Variants in SMCO2 observed in about 807,000 individuals in gnomAD.
SMCO2 encodes single-pass membrane protein with coiled-coil domains 2, also known as single-pass membrane and coiled-coil domain-containing protein 2.
A neutral mutation model predicts 29.5 loss-of-function variants in SMCO2; 25 were observed. That is an observed-to-expected ratio of 0.85 (90% CI 0.62 to 1.18). The LOEUF (loss-of-function observed/expected upper bound fraction) is 1.18. SMCO2 is among the 50% of genes most tolerant of loss of function. SMCO2 has a pLI of 0.00. For synonymous variants in SMCO2, 117 were observed against 123.3 expected, an observed-to-expected ratio of 0.95 and a Z score of 0.34; for missense variants, 348 against 344.5, an observed-to-expected ratio of 1.01 and a Z score of -0.08.
chr12:27,500,771 TAATA>T, intron 7 of SMCO2, among the ~76,000 whole-genome samples: 1 of 150,778 alleles, frequency 6.6e-6, no homozygotes, highest in African/African-American at 2.5e-5. Flanking sequence ...ATTGGCTCTT[TAATA>T]AATGTGTGAA....
At chr12:27,425,999 G>A in the SMCO2 span, among the ~76,000 whole-genome samples, 1 of 152,204 alleles carries the variant, frequency 6.6e-6, no homozygotes, top group Non-Finnish European at 1.5e-5. Context: ...CAGGTCAACA[G>A]CCTGGAATAT....
At chr12:27,435,279 A>G in the SMCO2 span, among the ~76,000 whole-genome samples, 1 of 2,210 alleles carries the variant, frequency 4.5e-4, no homozygotes, top group African/African-American at 1.8e-3. Flanking sequence ...AGATGGCAGC[A>G]GAACCCCCCC....
At chr12:27,431,712 G>T in the SMCO2 span, among the ~76,000 whole-genome samples, 1 of 152,160 alleles carries the variant, frequency 6.6e-6, no homozygotes, top group Non-Finnish European at 1.5e-5. Flanking sequence ...AGGAGCATGG[G>T]TGTGCAAATA....
exon 8 of SMCO2, chr12:27,502,067 G>A (rs1441756559): frequency 1.3e-6 from 2 of 1,546,052 alleles, no homozygotes; most frequent in Admixed American, 2.0e-5. Context: ...GGGACCTACG[G>A]GAGATGAGAG....
the SMCO2 span, among the ~76,000 whole-genome samples, chr12:27,429,499 CA>C: frequency 6.6e-6 from 1 of 151,358 alleles, no homozygotes; most frequent in East Asian, 1.9e-4. Context: ...AAATAGTCCC[CA>C]CCTTAGCCCT....
At chr12:27,472,319 CTG>C (rs1462284662) in intron 2 of SMCO2, among the ~76,000 whole-genome samples, 3 of 152,126 alleles carry the variant, frequency 2.0e-5, no homozygotes, top group Non-Finnish European at 2.9e-5. Context: ...CATAGCATCT[CTG>C]TTGAAAATAA....
chr12:27,467,406 CAT>C (rs1026492654), intron 1 of SMCO2, among the ~76,000 whole-genome samples: 1 of 151,096 alleles, frequency 6.6e-6, no homozygotes, highest in African/African-American at 2.4e-5. Flanking sequence ...TCCCAACTTT[CAT>C]ATGTGTATGA....
chr12:27,424,859 G>A, the SMCO2 span: 2 of 152,030 alleles, frequency 1.3e-5, no homozygotes, highest in African/African-American at 2.4e-5. Context: ...TTTTTTCCAA[G>A]CTCCATGGGG....
intron 4 of SMCO2, among the ~76,000 whole-genome samples, chr12:27,477,666 T>G (rs1353691493): frequency 6.9e-6 from 1 of 145,180 alleles, no homozygotes; most frequent in East Asian, 2.1e-4. Flanking sequence ...ATTGGGTTAT[T>G]TCAAAACACT....
At chr12:27,448,607 G>C in the SMCO2 span, among the ~76,000 whole-genome samples, 1 of 151,954 alleles carries the variant, frequency 6.6e-6, no homozygotes, top group African/African-American at 2.4e-5. Context: ...GGGACCCTTG[G>C]GATTAAATTT....
At chr12:27,501,283 G>T (rs958612020) in intron 7 of SMCO2, among the ~76,000 whole-genome samples, 6 of 148,452 alleles carry the variant, frequency 4.0e-5, no homozygotes, top group African/African-American at 1.5e-4. Context: ...GGGCGTGGTG[G>T]TGGGCGCCTG....
At chr12:27,429,451 C>T in the SMCO2 span, among the ~76,000 whole-genome samples, 1 of 146,202 alleles carries the variant, frequency 6.8e-6, no homozygotes, top group Non-Finnish European at 1.5e-5. Context: ...GGTTAAAAGT[C>T]AGATAGCATT....
the SMCO2 span, among the ~76,000 whole-genome samples, chr12:27,434,081 G>A: frequency 6.6e-6 from 1 of 152,186 alleles, no homozygotes; most frequent in Non-Finnish European, 1.5e-5. Context: ...AACATGCTAT[G>A]TGGTTCTGAA....
Position 27,492,049 on chromosome 12 carries a change from C to A in SMCO2, c.451-2251C>A, listed in dbSNP as rs528371235. 3.9e-5 allele frequency among the ~76,000 whole-genome samples: 6 copies of A among 152,232 alleles called. No homozygotes were observed. The South Asian group carries it at 1.2e-3, about 32-fold the overall frequency. On this transcript the variant is annotated intron_variant, in intron 5 of 7. Transcript: ENST00000298876. ...CAATTAAAACATTATGAAATGATTT[C>A]ATATAAAAATGAAAAATATCCTCCT...
chr12:27,472,669 G>GA (rs1245935993), intron 2 of SMCO2, 107 bp from the exon 3 acceptor site: 1 of 725,084 alleles, frequency 1.4e-6, no homozygotes, highest in Non-Finnish European at 2.2e-6. Context: ...ATGCTCCCTG[G>GA]GACTGGGGAA....
chr12:27,459,144 G>T, the SMCO2 span, among the ~76,000 whole-genome samples: 5 of 142,732 alleles, frequency 3.5e-5, no homozygotes, highest in South Asian at 1.1e-3. Flanking sequence ...CCAAGATCGC[G>T]CCACTGCACT....
At chr12:27,430,875 C>T in the SMCO2 span, among the ~76,000 whole-genome samples, 1 of 152,080 alleles carries the variant, frequency 6.6e-6, no homozygotes, top group African/African-American at 2.4e-5. Flanking sequence ...AGAATCCAGA[C>T]CCGAGCAGCT....
At chr12:27,429,673 AT>A in the SMCO2 span, among the ~76,000 whole-genome samples, 2 of 152,166 alleles carry the variant, frequency 1.3e-5, no homozygotes, top group Non-Finnish European at 2.9e-5. Flanking sequence ...ATTATGAAGC[AT>A]TTAGGATGTC....
the SMCO2 span, among the ~76,000 whole-genome samples, chr12:27,433,506 TACACACACACACACACACAC>T: frequency 6.8e-6 from 1 of 147,866 alleles, no homozygotes; most frequent in Admixed American, 6.7e-5. Flanking sequence ...CAGATGTGTA[TACACACACACACACACACAC>T]ACACACACAC....
Sources: gnomAD v4.1 joint callset for allele counts (sites outside exome capture counted in the v4.1 genomes callset) on GRCh38, gnomAD v4.1.1 for gene constraint, MANE v1.5 for transcripts, NCBI Gene and HGNC (gene_info 2026-07-23, HGNC 2026-07-21) for gene names.